Variants in ENOX1 observed in about 807,000 individuals in gnomAD.
The protein encoded by ENOX1 is ecto-NOX disulfide-thiol exchanger 1.
Under a neutral mutation model 82.5 loss-of-function variants are expected in ENOX1, and 42 were observed. The observed-to-expected ratio is 0.51, with a 90% CI of 0.40 to 0.66. The LOEUF (loss-of-function observed/expected upper bound fraction) is 0.66, where lower values mean the gene tolerates loss of function less well. Ranked by LOEUF, ENOX1 falls within the 30% of genes least tolerant of loss-of-function variation. ENOX1 has a pLI of 0.00. For missense variants in ENOX1, 608 were observed against 811.6 expected, an observed-to-expected ratio of 0.75 and a Z score of 3.05; for synonymous variants, 271 against 282.2, an observed-to-expected ratio of 0.96 and a Z score of 0.40.
intron 11 of ENOX1, among the ~76,000 whole-genome samples, chr13:43,320,328 T>C (rs9562474): frequency 0.2 from 30,829 of 152,176 alleles, 4,113 homozygotes; most frequent in East Asian, 0.6. Flanking sequence ...CCCTCAGAAC[T>C]TGGCATACAA....
At chr13:43,240,170 G>A (rs932188286) in intron 14 of ENOX1, among the ~76,000 whole-genome samples, 2 of 152,140 alleles carry the variant, frequency 1.3e-5, no homozygotes, top group African/African-American at 2.4e-5. Flanking sequence ...CTTAAGCTAA[G>A]CCTGTTTTTA....
chr13:43,382,290 G>A (rs962860951), intron 5 of ENOX1, among the ~76,000 whole-genome samples: 1 of 152,078 alleles, frequency 6.6e-6, no homozygotes, highest in Admixed American at 6.6e-5. Flanking sequence ...CAGAAAAAGC[G>A]TCTGATGAAA....
intron 2 of ENOX1, among the ~76,000 whole-genome samples, chr13:43,537,765 C>T (rs922340054): frequency 2.0e-5 from 3 of 152,174 alleles, no homozygotes; most frequent in East Asian, 1.9e-4. Context: ...TATTTTCTCA[C>T]GATATACCAC....
intron 2 of ENOX1, among the ~76,000 whole-genome samples, chr13:43,518,033 A>G (rs1214731304): frequency 1.3e-5 from 2 of 152,128 alleles, no homozygotes; most frequent in Non-Finnish European, 1.5e-5. Context: ...ACAGTCAAAG[A>G]ATGTACTATT....
At chr13:43,319,223 T>A (rs1422608581) in intron 11 of ENOX1, among the ~76,000 whole-genome samples, 2 of 152,226 alleles carry the variant, frequency 1.3e-5, no homozygotes, top group African/African-American at 4.8e-5. Flanking sequence ...TATTTTTGAA[T>A]TTATTAACAA....
At chr13:43,499,497 C>G (rs1269440515) in intron 2 of ENOX1, among the ~76,000 whole-genome samples, 2 of 152,006 alleles carry the variant, frequency 1.3e-5, no homozygotes, top group East Asian at 1.9e-4. Context: ...GGACACAAAT[C>G]CACTTACTCA....
intron 11 of ENOX1, among the ~76,000 whole-genome samples, chr13:43,315,727 T>G (rs73467420): frequency 9.8e-4 from 149 of 152,358 alleles, no homozygotes; most frequent in African/African-American, 3.4e-3. Context: ...TTGGCTCTGC[T>G]AAGACGTTAG....
chr13:43,227,643 C>T (rs2042085383), intron 15 of ENOX1, among the ~76,000 whole-genome samples: 1 of 152,020 alleles, frequency 6.6e-6, no homozygotes, highest in Admixed American at 6.6e-5. Flanking sequence ...AACTATTTTG[C>T]TCATAACTAA....
At chr13:43,647,233 G>T (rs2153773487) in intron 2 of ENOX1, among the ~76,000 whole-genome samples, 1 of 152,280 alleles carries the variant, frequency 6.6e-6, no homozygotes, top group Non-Finnish European at 1.5e-5. Flanking sequence ...TTTAACCTTT[G>T]TGTGCCTTAG....
chr13:43,428,514 C>A (rs537034343), intron 3 of ENOX1, among the ~76,000 whole-genome samples: 3 of 152,314 alleles, frequency 2.0e-5, no homozygotes, highest in Middle Eastern at 6.8e-3. Context: ...ATAGAATGCA[C>A]TAGTGAGTGA....
intron 3 of ENOX1, among the ~76,000 whole-genome samples, chr13:43,415,193 C>T (rs2054370965): frequency 7.2e-6 from 1 of 138,136 alleles, no homozygotes; most frequent in Admixed American, 7.4e-5. Context: ...ACTCTTGTGA[C>T]ATTCAATGTA....
intron 11 of ENOX1, among the ~76,000 whole-genome samples, chr13:43,313,713 T>A (rs890207159): frequency 6.6e-6 from 1 of 152,220 alleles, no homozygotes; most frequent in African/African-American, 2.4e-5. Context: ...ACAATTGGAA[T>A]TATCCATGCT....
At chr13:43,747,443 T>C (rs1950084586) in intron 1 of ENOX1, among the ~76,000 whole-genome samples, 1 of 152,196 alleles carries the variant, frequency 6.6e-6, no homozygotes, top group African/African-American at 2.4e-5. Context: ...TAAACAAGTT[T>C]CCCAGGCATC....
At chr13:43,777,661 G>GC (rs759311035) in intron 1 of ENOX1, among the ~76,000 whole-genome samples, 2 of 151,060 alleles carry the variant, frequency 1.3e-5, no homozygotes, top group African/African-American at 2.4e-5. Flanking sequence ...TCTTGCCTCA[G>GC]CCCCCCAGGT....
intron 11 of ENOX1, among the ~76,000 whole-genome samples, chr13:43,320,568 A>G (rs2047751632): frequency 1.3e-5 from 2 of 152,194 alleles, no homozygotes; most frequent in South Asian, 4.1e-4. Flanking sequence ...ATTCAGAGTC[A>G]TCATTATTCT....
intron 11 of ENOX1, among the ~76,000 whole-genome samples, chr13:43,310,502 G>T (rs1159412474): frequency 6.6e-6 from 1 of 152,138 alleles, no homozygotes; most frequent in African/African-American, 2.4e-5. Flanking sequence ...CAGCTGTCTT[G>T]TTACTAGCTT....
chr13:43,474,865 A>C (rs1310296542), intron 3 of ENOX1, among the ~76,000 whole-genome samples: 1 of 152,136 alleles, frequency 6.6e-6, no homozygotes, highest in Non-Finnish European at 1.5e-5. Flanking sequence ...ATTACTAGAC[A>C]TGTTTTCTCA....
At chr13:43,652,910 T>C (rs2084261346) in intron 2 of ENOX1, among the ~76,000 whole-genome samples, 2 of 152,332 alleles carry the variant, frequency 1.3e-5, no homozygotes, top group Admixed American at 6.5e-5. Flanking sequence ...GGGAGATGCA[T>C]GGCAGAACCC....
At chr13:43,294,699 C>A (rs942323066) in intron 12 of ENOX1, among the ~76,000 whole-genome samples, 1 of 152,170 alleles carries the variant, frequency 6.6e-6, no homozygotes, top group Non-Finnish European at 1.5e-5. Context: ...CAGATTTATT[C>A]CCATTTGTCC....
Sources: allele counts gnomAD v4.1 joint callset (sites outside exome capture counted in the v4.1 genomes callset), GRCh38; gene constraint gnomAD v4.1.1; transcripts MANE v1.5; gene names NCBI Gene and HGNC (gene_info 2026-07-23, HGNC 2026-07-21).